Variants in STIL observed in about 807,000 individuals in gnomAD.
STIL encodes STIL centriolar assembly protein.
STIL carries 55 observed loss-of-function variants against 110.1 expected under a neutral mutation model. That is an observed-to-expected ratio of 0.50 (90% CI 0.40 to 0.63). The LOEUF (loss-of-function observed/expected upper bound fraction) is 0.63. Among genes scored for constraint, STIL ranks in the 20% least tolerant of loss-of-function variants. The pLI is 0.00. For missense variants in STIL, 1,358 were observed against 1,530.0 expected (o/e 0.89, Z 1.87); for synonymous variants, 481 against 530.0 (o/e 0.91, Z 1.27).
chr1:47,270,835 T>C (rs1451185915), intron 13 of STIL, among the ~76,000 whole-genome samples: 1 of 151,884 alleles, frequency 6.6e-6, no homozygotes, highest in Admixed American at 6.6e-5. Flanking sequence ...TGCGCCACCA[T>C]ATGTGGCTAA....
chr1:47,260,214 T>C (rs1644443228), intron 16 of STIL, 75 bp downstream of exon 16: 1 of 1,415,636 alleles, frequency 7.1e-7, no homozygotes, highest in Admixed American at 2.3e-5. Flanking sequence ...ATCTAGCCAA[T>C]GATGGGCAAA....
chr1:47,287,533 A>T lies in STIL; in HGVS notation c.1133+18T>A, dbSNP rs756474980. On this transcript the variant is annotated intron_variant, in intron 10 of 16. Transcript: ENST00000371877. ...ATTTTTAAAAAAACACACACATAAT[A>T]ACAAAAAGATCTTTTACCTCTTAAT... 1.4e-5 allele frequency: 22 copies of T among 1,529,594 alleles called. No homozygotes were observed. Among genetic ancestry groups the T allele is most frequent in the Non-Finnish European group, 4.5e-6 (5 of 1,110,812 alleles). The allele number at this position is 1,529,594 out of a possible 1,614,324, so 94.8% of individuals were successfully genotyped here.
chr1:47,279,822 C>A (rs1464549029), intron 12 of STIL, among the ~76,000 whole-genome samples: 1 of 151,584 alleles, frequency 6.6e-6, no homozygotes, highest in Non-Finnish European at 1.5e-5. Context: ...TAGAATAAGT[C>A]CAGTATAGAT....
At chr1:47,293,346 A>G (rs1221895795) in intron 8 of STIL, 112 bp downstream of exon 8, 6 of 821,608 alleles carry the variant, frequency 7.3e-6, no homozygotes, top group Middle Eastern at 2.6e-4. Context: ...GTACGTGTTT[A>G]TTTATAAGTA....
intron 2 of STIL, among the ~76,000 whole-genome samples, chr1:47,306,057 T>C (rs2149243122): frequency 6.6e-6 from 1 of 152,072 alleles, no homozygotes; most frequent in East Asian, 1.9e-4. Context: ...AAAAAGAAAA[T>C]TCACTTGTAA....
At position 47,310,376 on chromosome 1, in the gene STIL, G is replaced by T; in HGVS notation, c.-43-14C>A. The T allele has an allele frequency of 6.7e-7, 1 of 1,485,286 alleles. No individual in the cohort carries two copies. Among genetic ancestry groups the T allele is most frequent in the South Asian group, 1.1e-5 (1 of 87,192 alleles). The allele number at this position is 1,485,286 out of a possible 1,614,324, so 92.0% of individuals were successfully genotyped here. ...ATCCTCAGTATCCTAAAGAATTAAA[G>T]AGAATATTACTAATGAATGATAAAA... On this transcript the variant is annotated splice_polypyrimidine_tract_variant and intron_variant, in intron 1 of 16. Transcript: ENST00000371877.
At chr1:47,294,450 T>A (rs566958701) in intron 7 of STIL, among the ~76,000 whole-genome samples, 1 of 152,344 alleles carries the variant, frequency 6.6e-6, no homozygotes, top group African/African-American at 2.4e-5. Flanking sequence ...TGTCTAAATA[T>A]CATTAACTCA....
intron 10 of STIL, among the ~76,000 whole-genome samples, chr1:47,285,542 G>A (rs1186856406): frequency 6.6e-6 from 1 of 152,050 alleles, no homozygotes; most frequent in Admixed American, 6.6e-5. Flanking sequence ...ACTACAACCT[G>A]TGCCTCTTGG....
intron 14 of STIL, among the ~76,000 whole-genome samples, chr1:47,265,783 C>CAAA (rs1179019596): frequency 0.012 from 819 of 65,532 alleles, 33 homozygotes; most frequent in Non-Finnish European, 0.016. Flanking sequence ...AAGACTGTCT[C>CAAA]AAAAAAAAAA....
intron 3 of STIL, 80 bp downstream of exon 3, chr1:47,304,809 A>G (rs1457975444): frequency 4.7e-6 from 5 of 1,054,980 alleles, no homozygotes; most frequent in South Asian, 1.4e-5. Flanking sequence ...AATTGGTCAT[A>G]GTAATCAACT....
rs1645757953 is a variant in STIL at position 47,300,062 on chromosome 1, C to T, written c.544G>A (p.Asp182Asn). ...RVHITSRESLDSVEFDLHWAA... is the reference protein window; with the variant it reads ...RVHITSRESLNSVEFDLHWAA... Reference sequence around the variant, plus strand: ...CAATGCAAGTCAAATTCCACACTGTCCAAACTCTCCCTGGAAGTGATATGA... The same window carrying T: ...CAATGCAAGTCAAATTCCACACTGTTCAAACTCTCCCTGGAAGTGATATGA... Residue 182 changes from aspartate to asparagine, a missense_variant, in exon 6 of 17, where the codon GAC becomes AAC. Physicochemically the swap from Asp to Asn is conservative, Grantham distance 23. Transcript: ENST00000371877. 1 of 1,614,000 alleles carries T rather than the reference C, an allele frequency of 6.2e-7. No homozygotes were observed. The highest frequency in any genetic ancestry group is 1.7e-5 in the Admixed American group (1 of 59,996).
intron 15 of STIL, among the ~76,000 whole-genome samples, chr1:47,262,540 T>G (rs766490849): frequency 1.3e-5 from 2 of 152,334 alleles, no homozygotes; most frequent in South Asian, 4.1e-4. Flanking sequence ...TAATAAACAT[T>G]GGCTTACCTG....
chr1:47,271,946 A>C, intron 13 of STIL, 130 bp downstream of exon 13: 1 of 877,266 alleles, frequency 1.1e-6, no homozygotes, highest in South Asian at 1.6e-5. Flanking sequence ...ACAAAAACTT[A>C]AGTCATACTC....
chr1:47,265,237 C>CAAAAAAAAAAAAAA lies in STIL; in HGVS notation c.2616-2135_2616-2122dup, dbSNP rs61666574. 1.2e-3 allele frequency among the ~76,000 whole-genome samples: 63 copies of CAAAAAAAAAAAAAA among 51,626 alleles called. 1 individual carries two copies. Among genetic ancestry groups the CAAAAAAAAAAAAAA allele is most frequent in the East Asian group, 8.9e-3 (19 of 2,130 alleles). 33.9% of individuals were successfully genotyped at this position (51,626 alleles called of 152,430 possible). A position where few individuals can be genotyped will look rare whatever the true frequency, so the allele number is the denominator to read the frequency against. ...AGCAACAGAGCAACACTCCATCTCC[C>CAAAAAAAAAAAAAA]AAAAAAAAAAAAAAAAAAAAAAACA... On this transcript the variant is annotated intron_variant, in intron 14 of 16. Coordinates refer to ENST00000371877, the MANE Select transcript of STIL (RefSeq NM_001048166.1).
chr1:47,265,124 T>A lies in STIL; in HGVS notation c.2616-2008A>T, dbSNP rs552844175. Among the ~76,000 whole-genome samples, 8 of 148,794 alleles carry A rather than the reference T, an allele frequency of 5.4e-5. No individual in the cohort carries two copies. In the Admixed American group the frequency reaches 5.5e-4, roughly 10 times the overall value. ...GGTGGCGTACACTTGTAATCCCAGC[T>A]ACTTGAGAGGCTGAGGCAGAAGGAT... On this transcript the variant is annotated intron_variant, in intron 14 of 16. Coordinates refer to ENST00000371877, the MANE Select transcript of STIL (RefSeq NM_001048166.1).
chr1:47,251,475 A>G lies in STIL; in HGVS notation c.3528T>C (p.His1176=). The change falls in exon 17 of 17, where the codon CAT becomes CAC. Residue 1176 remains histidine, a synonymous_variant. Coordinates refer to ENST00000371877, the MANE Select transcript of STIL (RefSeq NM_001048166.1). ...GGQKEPSKND[H]EIINCSNCES... ...CACAGTTAGAACAATTAATTATTTC[A>G]TGGTCATTCTTAGAAGGCTCTTTCT... 1 of 1,614,204 alleles carries G rather than the reference A, an allele frequency of 6.2e-7. No homozygotes were observed. Among genetic ancestry groups the G allele is most frequent in the Non-Finnish European group, 8.5e-7 (1 of 1,180,038 alleles).
intron 2 of STIL, among the ~76,000 whole-genome samples, chr1:47,308,385 T>C (rs1201415911): frequency 6.8e-6 from 1 of 147,558 alleles, no homozygotes; most frequent in African/African-American, 2.5e-5. Context: ...CCCCCGATAC[T>C]GTCTCAAAAA....
chr1:47,268,582 C>G (rs934948374), intron 14 of STIL, among the ~76,000 whole-genome samples: 1 of 151,744 alleles, frequency 6.6e-6, no homozygotes, highest in African/African-American at 2.4e-5. Flanking sequence ...CGGCGAAACC[C>G]CATCTCTAAA....
chr1:47,269,721 A>C lies in STIL; in HGVS notation c.2529T>G (p.Ser843=). The change falls in exon 14 of 17, where the codon TCT becomes TCG. Residue 843 remains serine (S), a synonymous_variant. Coordinates refer to ENST00000371877, the MANE Select transcript of STIL (RefSeq NM_001048166.1). ...TGGGAATATCAACTGCTTTTAATGA[A>C]GATGCACTACCTGGAAGACTTGTGA... is the stretch of plus-strand genomic sequence containing the variant. The part of the protein sequence containing the change: ...NEVTSLPGSA[S]SLKAVDIPSF... 2 of 1,614,194 alleles carry C rather than the reference A, an allele frequency of 1.2e-6. No homozygotes were observed. Among genetic ancestry groups the C allele is most frequent in the Non-Finnish European group, 1.7e-6 (2 of 1,180,036 alleles).
Sources: gnomAD v4.1 joint callset for allele counts (sites outside exome capture counted in the v4.1 genomes callset) on GRCh38, gnomAD v4.1.1 for gene constraint, MANE v1.5 for transcripts, NCBI Gene and HGNC (gene_info 2026-07-23, HGNC 2026-07-21) for gene names.